HCN1: variants seen among roughly 807,000 people sequenced by gnomAD.
The protein encoded by HCN1 is hyperpolarization activated cyclic nucleotide gated potassium channel 1, also known as potassium/sodium hyperpolarization-activated cyclic nucleotide-gated channel 1.
Under a neutral mutation model 78.9 loss-of-function variants are expected in HCN1, and 13 were observed. The ratio of observed to expected loss-of-function variants is 0.16; its 90% CI spans 0.11 to 0.26. The LOEUF is 0.26. HCN1 is among the 10% of genes least tolerant of loss of function. HCN1 has a pLI of 1.00. For synonymous variants in HCN1, 552 were observed against 455.5 expected (o/e 1.21, Z -2.70); for missense variants, 810 against 1,154.3 (o/e 0.70, Z 4.32).
rs1298296530 is a variant in HCN1, at chr5:45,315,121, GCAC to G, written c.1378-11285_1378-11283del. On this transcript the variant is annotated intron_variant, in intron 5 of 7. Coordinates refer to ENST00000303230, the MANE Select transcript of HCN1 (RefSeq NM_021072.4). ...ATCAACAGAATATACATTCTTCTCA[GCAC>G]CACATCACACTTATTCCAAAATTGA... 2.0e-5 allele frequency among the ~76,000 whole-genome samples: 3 copies of G among 152,258 alleles called. No individual in the cohort carries two copies. In the East Asian group the frequency reaches 5.8e-4, roughly 29 times the overall value.
At chr5:45,593,805 G>C (rs1412311207) in intron 2 of HCN1, among the ~76,000 whole-genome samples, 1 of 151,980 alleles carries the variant, frequency 6.6e-6, no homozygotes, top group Admixed American at 6.6e-5. Flanking sequence ...CTCCTGAGTA[G>C]CTGGAATTAC....
rs755532252 is a variant in HCN1, at chr5:45,262,584, C to T, written c.2010G>A (p.Ala670=). 1 of 1,613,662 alleles carries T rather than the reference C, an allele frequency of 6.2e-7. No individual in the cohort carries two copies. The highest frequency in any genetic ancestry group is 8.5e-7 in the Non-Finnish European group (1 of 1,179,994). ...MRTQSPPVYT[A]TSLSHSNLHS... is the part of the protein sequence containing the mutation. The stretch of plus-strand genomic sequence containing the variant: ...GCAGGTTGCTGTGAGACAGGCTGGT[C>T]GCTGTGTACACCGGTGGAGATTGTG... Residue 670 remains alanine (A), a synonymous_variant, in exon 8 of 8, where the codon GCG becomes GCA. Coordinates refer to ENST00000303230, the MANE Select transcript of HCN1 (RefSeq NM_021072.4).
chr5:45,330,047 AAT>A (rs1181281671), intron 5 of HCN1, among the ~76,000 whole-genome samples: 1 of 151,368 alleles, frequency 6.6e-6, no homozygotes. Context: ...AATGCACAAT[AAT>A]ATAGAGTGTG....
chr5:45,518,402 G>T (rs567857506), intron 2 of HCN1, among the ~76,000 whole-genome samples: 1 of 151,998 alleles, frequency 6.6e-6, no homozygotes, highest in Non-Finnish European at 1.5e-5. Flanking sequence ...AAGCATGGTG[G>T]TGTGGCAGCC....
At chr5:45,642,519 G>C (rs965025279) in intron 2 of HCN1, 8 of 151,926 alleles carry the variant, frequency 5.3e-5, no homozygotes, top group African/African-American at 1.9e-4. Context: ...CTTTCCTCAG[G>C]AATGATTCAT....
At chr5:45,542,056 A>C (rs1423409882) in intron 2 of HCN1, among the ~76,000 whole-genome samples, 1 of 152,152 alleles carries the variant, frequency 6.6e-6, no homozygotes, top group East Asian at 1.9e-4. Context: ...ATATTTTTCT[A>C]TAATTCCACT....
At chr5:45,366,201 C>T (rs994637404) in intron 4 of HCN1, among the ~76,000 whole-genome samples, 1 of 149,482 alleles carries the variant, frequency 6.7e-6, no homozygotes, top group Non-Finnish European at 1.5e-5. Context: ...TATGTGTGTA[C>T]ATTCTCTTCT....
chr5:45,284,546 G>A (rs1745230750), intron 6 of HCN1, among the ~76,000 whole-genome samples: 1 of 152,120 alleles, frequency 6.6e-6, no homozygotes, highest in Non-Finnish European at 1.5e-5. Context: ...GTTTTAACAA[G>A]TCCAACTGTG....
At chr5:45,340,318 A>T (rs910294831) in intron 5 of HCN1, among the ~76,000 whole-genome samples, 7 of 152,184 alleles carry the variant, frequency 4.6e-5, no homozygotes, top group African/African-American at 1.7e-4. Context: ...AATACTTCCC[A>T]TTTAAGGGTA....
rs1031716284 is a variant in HCN1, at chr5:45,512,385, T to C, written c.850-50378A>G. On this transcript the variant is annotated intron_variant, in intron 2 of 7. Coordinates refer to ENST00000303230, the MANE Select transcript of HCN1 (RefSeq NM_021072.4). ...TCAGATGTAACTCATCTTTTTACTT[T>C]TTTTCTAGTTGAGGAATTAACTAAT... is the stretch of plus-strand genomic sequence containing the variant. Among the ~76,000 whole-genome samples, 19 of 152,216 alleles carry C rather than the reference T, an allele frequency of 1.2e-4. 1 individual carries two copies. Among genetic ancestry groups the C allele is most frequent in the Non-Finnish European group, 1.8e-4 (12 of 67,992 alleles).
intron 5 of HCN1, among the ~76,000 whole-genome samples, chr5:45,317,293 C>T (rs964259989): frequency 1.3e-5 from 2 of 152,106 alleles, no homozygotes; most frequent in Admixed American, 1.3e-4. Context: ...CTTTGACAAA[C>T]TTGACAAAAA....
intron 2 of HCN1, among the ~76,000 whole-genome samples, chr5:45,495,651 G>A (rs1409068150): frequency 5.9e-5 from 9 of 152,172 alleles, no homozygotes; most frequent in Admixed American, 6.5e-5. Flanking sequence ...AATAGGAGTG[G>A]TGAGAGAGGT....
intron 6 of HCN1, among the ~76,000 whole-genome samples, chr5:45,283,631 T>TA (rs878868409): frequency 3.3e-5 from 5 of 151,810 alleles, no homozygotes; most frequent in African/African-American, 1.2e-4. Context: ...CATTAAAAAG[T>TA]AAAAAAATAA....
intron 4 of HCN1, among the ~76,000 whole-genome samples, chr5:45,377,271 ATAAC>A (rs2112021457): frequency 6.6e-6 from 1 of 152,052 alleles, no homozygotes; most frequent in East Asian, 1.9e-4. Context: ...GATGTAAAAA[ATAAC>A]TAGATCTCAG....
intron 5 of HCN1, among the ~76,000 whole-genome samples, chr5:45,328,973 A>G (rs1464494150): frequency 6.6e-6 from 1 of 151,620 alleles, no homozygotes; most frequent in African/African-American, 2.4e-5. Flanking sequence ...TGGAGGAAGG[A>G]TATTTTGTTT....
At chr5:45,649,516 T>A (rs371618503) in intron 1 of HCN1, among the ~76,000 whole-genome samples, 2 of 152,198 alleles carry the variant, frequency 1.3e-5, no homozygotes, top group East Asian at 3.9e-4. Context: ...TATACACCAG[T>A]AGTTTCACTG....
intron 3 of HCN1, among the ~76,000 whole-genome samples, chr5:45,425,888 A>C (rs1323501962): frequency 2.0e-5 from 3 of 152,224 alleles, no homozygotes; most frequent in Admixed American, 6.5e-5. Flanking sequence ...TACTTGAAAA[A>C]GACAGATGCT....
intron 4 of HCN1, among the ~76,000 whole-genome samples, chr5:45,388,832 A>C (rs1747980093): frequency 6.6e-6 from 1 of 152,136 alleles, no homozygotes; most frequent in Middle Eastern, 3.4e-3. Context: ...TATTTGTCCT[A>C]ATAGTATTTT....
chr5:45,580,825 G>C (rs181570021), intron 2 of HCN1, among the ~76,000 whole-genome samples: 356 of 152,208 alleles, frequency 2.3e-3, no homozygotes, highest in African/African-American at 8.1e-3. Context: ...TGCTGAGAAT[G>C]ATGGCTTCCA....
Sources: allele counts gnomAD v4.1 joint callset (sites outside exome capture counted in the v4.1 genomes callset), GRCh38; gene constraint gnomAD v4.1.1; transcripts MANE v1.5; gene names NCBI Gene and HGNC (gene_info 2026-07-23, HGNC 2026-07-21).